The following STPG2 variants were observed in gnomAD, a reference collection of about 807,000 sequenced individuals.
STPG2 encodes sperm tail PG-rich repeat containing 2.
In STPG2, 56 loss-of-function variants were observed where a neutral mutation model predicts 54.2. The ratio of observed to expected loss-of-function variants is 1.03; its 90% CI spans 0.83 to 1.29. The LOEUF (loss-of-function observed/expected upper bound fraction) is 1.29. Ranked by LOEUF, STPG2 falls within the 50% of genes most tolerant of loss-of-function variation. STPG2 has a pLI of 0.00. For synonymous variants in STPG2, 200 were observed against 181.8 expected (o/e 1.10, Z -0.81); for missense variants, 596 against 544.9 (o/e 1.09, Z -0.93).
At chr4:98,125,858 C>T (rs1178813094) in intron 3 of STPG2, among the ~76,000 whole-genome samples, 2 of 152,224 alleles carry the variant, frequency 1.3e-5, no homozygotes, top group Admixed American at 6.5e-5. Flanking sequence ...CCATAAACCC[C>T]TGGCTGGAGT....
intron 9 of STPG2, among the ~76,000 whole-genome samples, chr4:97,750,389 G>A (rs1450440319): frequency 4.7e-4 from 71 of 151,742 alleles, no homozygotes; most frequent in Non-Finnish European, 5.9e-5. Context: ...AAGGATGCTT[G>A]CCATATATTA....
intron 8 of STPG2, among the ~76,000 whole-genome samples, chr4:97,942,263 T>G (rs1248827616): frequency 6.6e-6 from 1 of 151,926 alleles, no homozygotes. Context: ...GAAATAACTT[T>G]GAATCCATTC....
At chr4:97,851,096 G>T (rs1729146182) in intron 8 of STPG2, among the ~76,000 whole-genome samples, 2 of 152,064 alleles carry the variant, frequency 1.3e-5, no homozygotes, top group Admixed American at 1.3e-4. Flanking sequence ...GCTCTGATAT[G>T]TTCTCAGAAT....
chr4:97,671,015 G>A (rs776953085), intron 10 of STPG2, among the ~76,000 whole-genome samples: 12 of 152,114 alleles, frequency 7.9e-5, no homozygotes, highest in Non-Finnish European at 1.6e-4. Context: ...CCTGACTTTT[G>A]TTCTCCATGA....
chr4:97,884,537 C>T (rs777790286), intron 8 of STPG2, among the ~76,000 whole-genome samples: 1 of 152,114 alleles, frequency 6.6e-6, no homozygotes. Context: ...CCAATCATGA[C>T]CACACTTCGC....
intron 8 of STPG2, among the ~76,000 whole-genome samples, chr4:97,842,466 TAA>T (rs1728831452): frequency 6.6e-6 from 1 of 151,904 alleles, no homozygotes; most frequent in African/African-American, 2.4e-5. Context: ...ATGCCTAGTG[TAA>T]ATAGGAAAGC....
rs181437645 is a variant in STPG2 at position 97,679,253 on chromosome 4, G to A, written c.1320+33446C>T. Among the ~76,000 whole-genome samples the A allele has an allele frequency of 3.4e-3, 516 of 152,264 alleles. 31 individuals are homozygous for A. In the East Asian group the frequency reaches 0.082, roughly 24 times the overall value. On this transcript the variant is annotated intron_variant, in intron 10 of 10. Transcript: ENST00000295268. The stretch of plus-strand genomic sequence containing the variant: ...TTACAGTCCCACCAACAGTGTAAAA[G>A]TATTCCTATTTCTCCACATCCTCTC...
intron 10 of STPG2, among the ~76,000 whole-genome samples, chr4:97,636,555 T>G (rs1360951626): frequency 6.7e-6 from 1 of 149,876 alleles, no homozygotes; most frequent in Non-Finnish European, 1.5e-5. Context: ...ATCCAGGAGC[T>G]GGTTTTTTGA....
chr4:98,073,996 A>G (rs1560667121), intron 5 of STPG2, among the ~76,000 whole-genome samples: 1 of 152,142 alleles, frequency 6.6e-6, no homozygotes, highest in Non-Finnish European at 1.5e-5. Flanking sequence ...GCTCCCCTAG[A>G]TAATTTTTGT....
At chr4:97,605,816 A>T (rs1232232319) in intron 10 of STPG2, among the ~76,000 whole-genome samples, 1 of 147,742 alleles carries the variant, frequency 6.8e-6, no homozygotes. Flanking sequence ...AATACAAAAA[A>T]AAGAAAAAAA....
rs1732274487 is a variant in STPG2, at chr4:97,924,834, T to C, written c.1044+19063A>G. Among the ~76,000 whole-genome samples, 3 of 152,166 alleles carry C rather than the reference T, an allele frequency of 2.0e-5. No individual in the cohort carries two copies. In the South Asian group the frequency reaches 6.2e-4, roughly 31 times the overall value. ...TGGAGTTAAAAGTCCTGGCTAATCA[T>C]CTCTGTATCATTTTTAATATATTGT... On this transcript the variant is annotated intron_variant, in intron 8 of 10. Transcript: ENST00000295268.
intron 1 of STPG2, among the ~76,000 whole-genome samples, chr4:98,141,441 T>G (rs1169957406): frequency 6.6e-6 from 1 of 152,172 alleles, no homozygotes. Flanking sequence ...TCTGAGAGTT[T>G]CCTCTGCACA....
rs547290558 is a variant in STPG2 at position 97,674,228 on chromosome 4, T to G, written c.1320+38471A>C. The stretch of plus-strand genomic sequence containing the variant: ...TGAGGGCAAGAGTGAGAGTAATAGG[T>G]CTTTCACGTAACAGAGGTTCACACA... On this transcript the variant is annotated intron_variant, in intron 10 of 10. Transcript: ENST00000295268. Among the ~76,000 whole-genome samples the G allele has an allele frequency of 1.3e-3, 202 of 152,240 alleles. 1 individual carries two copies. Among genetic ancestry groups the G allele is most frequent in the African/African-American group, 4.7e-3 (195 of 41,546 alleles).
At chr4:97,514,642 G>T (rs1044242783) in intron 4 of STPG2, among the ~76,000 whole-genome samples, 1 of 152,018 alleles carries the variant, frequency 6.6e-6, no homozygotes, top group Non-Finnish European at 1.5e-5. Context: ...AGCTTCAAGG[G>T]TATAGGCTTT....
chr4:97,738,160 C>T (rs1354463098), intron 9 of STPG2, among the ~76,000 whole-genome samples: 1 of 152,094 alleles, frequency 6.6e-6, no homozygotes. Context: ...CAAGGAAATG[C>T]TGAGAGATTT....
intron 10 of STPG2, among the ~76,000 whole-genome samples, chr4:97,639,622 C>A (rs554442534): frequency 6.6e-6 from 1 of 151,592 alleles, no homozygotes; most frequent in Non-Finnish European, 1.5e-5. Context: ...CTACATATTA[C>A]GGTTGAAAGG....
At chr4:97,949,193 G>A (rs1168876506) in intron 7 of STPG2, among the ~76,000 whole-genome samples, 1 of 151,984 alleles carries the variant, frequency 6.6e-6, no homozygotes, top group Non-Finnish European at 1.5e-5. Context: ...TACTGCTGTT[G>A]CTTTAAAGTT....
chr4:97,470,594 A>G (rs1332409678), intron 4 of STPG2, among the ~76,000 whole-genome samples: 1 of 152,130 alleles, frequency 6.6e-6, no homozygotes, highest in East Asian at 1.9e-4. Context: ...TTCTTATGAT[A>G]AAGTTTAACT....
chr4:97,989,214 C>A (rs950204382), intron 5 of STPG2, among the ~76,000 whole-genome samples: 2 of 152,132 alleles, frequency 1.3e-5, no homozygotes, highest in African/African-American at 4.8e-5. Flanking sequence ...GAAACTTCTA[C>A]ACAATTCTGT....
Sources: gnomAD v4.1 joint callset for allele counts (sites outside exome capture counted in the v4.1 genomes callset) on GRCh38, gnomAD v4.1.1 for gene constraint, MANE v1.5 for transcripts, NCBI Gene and HGNC (gene_info 2026-07-23, HGNC 2026-07-21) for gene names.